The following PLCE1 variants were observed in gnomAD, a reference collection of about 807,000 sequenced individuals.
PLCE1 encodes 1-phosphatidylinositol 4,5-bisphosphate phosphodiesterase epsilon-1.
In PLCE1, 119 loss-of-function variants were observed where a neutral mutation model predicts 242.8. The observed-to-expected ratio is 0.49, with a 90% confidence interval of 0.42 to 0.57. The LOEUF is 0.57. PLCE1 is among the 20% of genes least tolerant of loss of function. The pLI, the probability that PLCE1 is intolerant of heterozygous loss-of-function variation, is 0.00. For synonymous variants in PLCE1, 945 were observed against 1,017.4 expected (o/e 0.93, Z 1.35); for missense variants, 2,441 against 2,788.8 (o/e 0.88, Z 2.81).
Position 94,328,065 on chromosome 10 carries a change from G to A in PLCE1, c.*122G>A. 4.1e-6 allele frequency: 2 copies of A among 486,188 alleles called. No individual in the cohort carries two copies. Among genetic ancestry groups the A allele is most frequent in the South Asian group, 1.5e-5 (1 of 64,548 alleles). 30.1% of individuals were successfully genotyped at this position (486,188 alleles called of 1,614,324 possible). A position where few individuals can be genotyped will look rare whatever the true frequency, so the allele number is the denominator to read the frequency against. ...ACTGGAAATTGATGATTTCTGAACT[G>A]AAGCCTTCACACATGTGAGATCCAT... On this transcript the variant is annotated 3_prime_UTR_variant, in exon 33 of 33. Coordinates refer to ENST00000371380, the MANE Select transcript of PLCE1 (RefSeq NM_016341.4).
At chr10:94,169,423 C>G (rs1217128563) in intron 3 of PLCE1, among the ~76,000 whole-genome samples, 9 of 152,120 alleles carry the variant, frequency 5.9e-5, no homozygotes, top group Non-Finnish European at 8.8e-5. Flanking sequence ...ACCACTGAAG[C>G]AAGTTCTGGA....
At chr10:94,173,043 A>G (rs1207820946) in intron 4 of PLCE1, among the ~76,000 whole-genome samples, 2 of 152,136 alleles carry the variant, frequency 1.3e-5, no homozygotes, top group Non-Finnish European at 2.9e-5. Flanking sequence ...TATATGTACC[A>G]CTTACTTGCT....
At chr10:94,024,658 TTTG>T (rs1230869949) in intron 1 of PLCE1, among the ~76,000 whole-genome samples, 7 of 152,130 alleles carry the variant, frequency 4.6e-5, no homozygotes, top group African/African-American at 1.7e-4. Context: ...TAAATTAGTT[TTTG>T]TTATTGTTGT....
chr10:94,080,902 A>G (rs913928551), intron 2 of PLCE1, among the ~76,000 whole-genome samples: 2 of 152,238 alleles, frequency 1.3e-5, no homozygotes, highest in African/African-American at 4.8e-5. Context: ...TTTGCTTCAA[A>G]GAAATAAAAT....
intron 4 of PLCE1, among the ~76,000 whole-genome samples, chr10:94,203,653 A>T (rs1281579285): frequency 6.6e-6 from 1 of 152,200 alleles, no homozygotes; most frequent in East Asian, 1.9e-4. Flanking sequence ...TGGATTAGAT[A>T]GGTTGCTGGA....
intron 2 of PLCE1, among the ~76,000 whole-genome samples, chr10:94,093,905 A>C (rs2045180366): frequency 6.7e-6 from 1 of 148,770 alleles, no homozygotes; most frequent in African/African-American, 2.5e-5. Context: ...AGTGGAGATG[A>C]AGGTCATTCA....
chr10:94,222,115 G>A (rs761855034), intron 4 of PLCE1, among the ~76,000 whole-genome samples: 2 of 152,130 alleles, frequency 1.3e-5, no homozygotes, highest in Non-Finnish European at 2.9e-5. Flanking sequence ...CTGTCCTGGA[G>A]GTCTAAGGGT....
At chr10:94,001,087 C>T (rs1669845311) in intron 1 of PLCE1, among the ~76,000 whole-genome samples, 1 of 152,164 alleles carries the variant, frequency 6.6e-6, no homozygotes, top group Admixed American at 6.5e-5. Context: ...GCCCTCAGCC[C>T]CCCATATCCC....
intron 1 of PLCE1, among the ~76,000 whole-genome samples, chr10:94,016,035 C>T (rs35939506): frequency 0.019 from 2,865 of 152,136 alleles, 54 homozygotes; most frequent in Non-Finnish European, 0.026. Context: ...ATCTGGAAGC[C>T]GCTATATGTC....
intron 1 of PLCE1, among the ~76,000 whole-genome samples, chr10:93,997,660 T>C (rs115385166): frequency 0.017 from 2,414 of 140,480 alleles, 34 homozygotes; most frequent in African/African-American, 0.039. Context: ...TTTTTTTTGG[T>C]TAGGTGAAAC....
chr10:94,040,751 G>A (rs1488452293), intron 2 of PLCE1, among the ~76,000 whole-genome samples: 1 of 152,064 alleles, frequency 6.6e-6, no homozygotes, highest in African/African-American at 2.4e-5. Context: ...GACCTTGACT[G>A]AACCCTCAGG....
At chr10:94,124,586 G>C (rs1211191715) in intron 2 of PLCE1, among the ~76,000 whole-genome samples, 1 of 152,134 alleles carries the variant, frequency 6.6e-6, no homozygotes, top group Admixed American at 6.6e-5. Context: ...AGTACAGACT[G>C]TGGGTCTCTC....
intron 2 of PLCE1, among the ~76,000 whole-genome samples, chr10:94,049,230 GTT>G (rs373885869): frequency 1.3e-4 from 20 of 152,144 alleles, no homozygotes; most frequent in African/African-American, 4.6e-4. Flanking sequence ...TTTATTAAAT[GTT>G]TTCTCTCTAC....
intron 1 of PLCE1, among the ~76,000 whole-genome samples, chr10:93,997,549 G>A (rs1241331856): frequency 6.6e-6 from 1 of 151,912 alleles, no homozygotes; most frequent in Admixed American, 6.6e-5. Flanking sequence ...AGTCAAAGTG[G>A]GCTGTCTCCA....
chr10:94,308,403 G>C (rs2053275775), intron 26 of PLCE1, among the ~76,000 whole-genome samples, 178 bp from the exon 27 acceptor site: 2 of 152,162 alleles, frequency 1.3e-5, no homozygotes, highest in Admixed American at 6.5e-5. Context: ...CAAATTAATT[G>C]CCATTGGGTA....
intron 2 of PLCE1, among the ~76,000 whole-genome samples, chr10:94,041,472 T>C (rs1025479998): frequency 2.6e-5 from 4 of 152,214 alleles, no homozygotes; most frequent in African/African-American, 9.7e-5. Flanking sequence ...TGAAAGGTCA[T>C]GTTTGCATCT....
chr10:94,077,597 C>CA (rs1400604860), intron 2 of PLCE1, among the ~76,000 whole-genome samples: 1 of 151,694 alleles, frequency 6.6e-6, no homozygotes, highest in Non-Finnish European at 1.5e-5. Context: ...CCAAGTCTGC[C>CA]AAAAAAATAT....
intron 2 of PLCE1, among the ~76,000 whole-genome samples, chr10:94,078,023 G>T (rs753063666): frequency 1.3e-5 from 2 of 152,194 alleles, no homozygotes; most frequent in Non-Finnish European, 1.5e-5. Flanking sequence ...AGTTGAACTT[G>T]TGTGAGGCTA....
chr10:94,138,804 T>A (rs1289930444), intron 3 of PLCE1: 2 of 220,296 alleles, frequency 9.1e-6, no homozygotes, highest in Non-Finnish European at 1.8e-5. Context: ...CTTTCCAATA[T>A]AACTAACCAG....
Sources: gnomAD v4.1 joint callset for allele counts (sites outside exome capture counted in the v4.1 genomes callset) on GRCh38, gnomAD v4.1.1 for gene constraint, MANE v1.5 for transcripts, NCBI Gene and HGNC (gene_info 2026-07-23, HGNC 2026-07-21) for gene names.